CNTNAP5: variants seen among roughly 807,000 people sequenced by gnomAD.
CNTNAP5 encodes the protein contactin-associated protein-like 5.
In CNTNAP5, 72 loss-of-function variants were observed where a neutral mutation model predicts 150.2. The observed-to-expected ratio is 0.48, with a 90% CI of 0.40 to 0.58. The LOEUF is 0.58. CNTNAP5 is among the 20% of genes least tolerant of loss of function. The probability of loss-of-function intolerance (pLI) is 0.00; values close to 1 mark genes in which losing one functional copy is unlikely to be tolerated. For synonymous variants in CNTNAP5, 672 were observed against 619.8 expected (o/e 1.08, Z -1.25); for missense variants, 1,636 against 1,626.2 (o/e 1.01, Z -0.10).
chr2:124,025,943 G>T (rs1412982660), intron 1 of CNTNAP5, among the ~76,000 whole-genome samples: 2 of 152,110 alleles, frequency 1.3e-5, no homozygotes, highest in African/African-American at 2.4e-5. Context: ...CCCTTCTTCC[G>T]TTATCGCAAA....
intron 1 of CNTNAP5, among the ~76,000 whole-genome samples, chr2:124,148,432 T>C (rs925955793): frequency 2.8e-5 from 4 of 144,768 alleles, no homozygotes; most frequent in Non-Finnish European, 6.0e-5. Flanking sequence ...TGGTTTTGTT[T>C]CCTGCCGTAT....
intron 1 of CNTNAP5, among the ~76,000 whole-genome samples, chr2:124,059,369 T>G (rs1204354257): frequency 6.6e-6 from 1 of 152,186 alleles, no homozygotes; most frequent in Non-Finnish European, 1.5e-5. Context: ...TCTAATCACA[T>G]AAATGTCTAC....
chr2:124,568,726 A>G (rs767902180), intron 11 of CNTNAP5, among the ~76,000 whole-genome samples: 5 of 152,208 alleles, frequency 3.3e-5, no homozygotes, highest in Non-Finnish European at 7.3e-5. Flanking sequence ...TATTGTAGCC[A>G]GCACTATGTT....
intron 11 of CNTNAP5, among the ~76,000 whole-genome samples, chr2:124,603,921 C>T (rs777217167): frequency 6.6e-6 from 1 of 152,058 alleles, no homozygotes; most frequent in Non-Finnish European, 1.5e-5. Flanking sequence ...CAAATTGTCC[C>T]ATCAAACTAA....
At chr2:124,778,833 G>T (rs1184564906) in intron 17 of CNTNAP5, among the ~76,000 whole-genome samples, 2 of 147,596 alleles carry the variant, frequency 1.4e-5, no homozygotes, top group African/African-American at 2.6e-5. Flanking sequence ...AACAAATAGA[G>T]ACAAGTTAAA....
chr2:124,398,198 A>G lies in CNTNAP5; in HGVS notation c.382-19245A>G, dbSNP rs566359399. Among the ~76,000 whole-genome samples, 6 of 152,310 alleles carry G rather than the reference A, an allele frequency of 3.9e-5. No homozygotes were observed. The South Asian group carries it at 1.2e-3, about 32-fold the overall frequency. The stretch of plus-strand genomic sequence containing the variant: ...GTGGCCCTCAAAGTACTTGTTGCCT[A>G]GAAGAGGAGACCAACCTAAATACAG... On this transcript the variant is annotated intron_variant, in intron 3 of 23. Transcript: ENST00000682447.
At chr2:124,746,641 A>C (rs1486840373) in intron 13 of CNTNAP5, among the ~76,000 whole-genome samples, 1 of 152,168 alleles carries the variant, frequency 6.6e-6, no homozygotes, top group Non-Finnish European at 1.5e-5. Context: ...GCCCTCTTAC[A>C]CAGCCAACCT....
chr2:124,379,484 AT>A (rs1239058045), intron 3 of CNTNAP5, among the ~76,000 whole-genome samples: 1 of 152,050 alleles, frequency 6.6e-6, no homozygotes, highest in Non-Finnish European at 1.5e-5. Flanking sequence ...TCATGGCCTG[AT>A]AGCTTATTCC....
At chr2:124,782,160 C>A (rs547839812) in intron 17 of CNTNAP5, among the ~76,000 whole-genome samples, 2 of 152,290 alleles carry the variant, frequency 1.3e-5, no homozygotes, top group Admixed American at 6.5e-5. Flanking sequence ...CTGATTCCAT[C>A]ATTTTTTATC....
chr2:124,226,314 C>T (rs933117696), intron 2 of CNTNAP5, among the ~76,000 whole-genome samples: 7 of 152,130 alleles, frequency 4.6e-5, no homozygotes, highest in Admixed American at 6.5e-5. Context: ...TGTGAGGTGA[C>T]GTCTCATTGT....
intron 1 of CNTNAP5, among the ~76,000 whole-genome samples, chr2:124,142,084 C>T (rs1372845798): frequency 2.0e-5 from 3 of 148,056 alleles, no homozygotes; most frequent in East Asian, 4.0e-4. Context: ...CAACAAGAGG[C>T]GCTAACTATC....
At chr2:124,120,317 G>T (rs1249014756) in intron 1 of CNTNAP5, among the ~76,000 whole-genome samples, 3 of 152,196 alleles carry the variant, frequency 2.0e-5, no homozygotes, top group Admixed American at 2.0e-4. Context: ...ATTGAGGGCA[G>T]AAATAGAGAG....
intron 3 of CNTNAP5, among the ~76,000 whole-genome samples, chr2:124,354,306 G>A (rs530320053): frequency 6.6e-6 from 1 of 152,060 alleles, no homozygotes; most frequent in African/African-American, 2.4e-5. Context: ...GAGCACAAGA[G>A]AACTAGAGAG....
intron 10 of CNTNAP5, among the ~76,000 whole-genome samples, chr2:124,529,062 T>G (rs1227026589): frequency 6.6e-6 from 1 of 152,064 alleles, no homozygotes; most frequent in African/African-American, 2.4e-5. Flanking sequence ...TGCTTTGTTT[T>G]TTTTTTTTTT....
chr2:124,292,849 C>A (rs1688335159), intron 3 of CNTNAP5, among the ~76,000 whole-genome samples: 1 of 151,928 alleles, frequency 6.6e-6, no homozygotes, highest in Non-Finnish European at 1.5e-5. Context: ...AAAGAAGCCG[C>A]AGGTAGTTAT....
intron 3 of CNTNAP5, among the ~76,000 whole-genome samples, chr2:124,335,412 AC>A (rs952002811): frequency 1.1e-4 from 17 of 151,930 alleles, no homozygotes; most frequent in African/African-American, 3.6e-4. Flanking sequence ...GCTAGCAAAG[AC>A]CAAAGGAGGA....
intron 1 of CNTNAP5, among the ~76,000 whole-genome samples, chr2:124,087,563 A>G (rs1682719954): frequency 6.6e-6 from 1 of 151,756 alleles, no homozygotes; most frequent in Non-Finnish European, 1.5e-5. Flanking sequence ...TTCTACTAAA[A>G]ATACAAAAAT....
intron 21 of CNTNAP5, among the ~76,000 whole-genome samples, chr2:124,897,142 G>A (rs1678322786): frequency 6.6e-6 from 1 of 151,420 alleles, no homozygotes; most frequent in Non-Finnish European, 1.5e-5. Flanking sequence ...TAAATTGCAG[G>A]TTTTTGCACA....
At chr2:124,562,583 A>G (rs1695918546) in intron 10 of CNTNAP5, among the ~76,000 whole-genome samples, 1 of 152,214 alleles carries the variant, frequency 6.6e-6, no homozygotes, top group Non-Finnish European at 1.5e-5. Flanking sequence ...TAAATATTTT[A>G]TGGAGTTTTT....
Sources: allele counts gnomAD v4.1 joint callset (sites outside exome capture counted in the v4.1 genomes callset), GRCh38; gene constraint gnomAD v4.1.1; transcripts MANE v1.5; gene names NCBI Gene and HGNC (gene_info 2026-07-23, HGNC 2026-07-21).